LRP2: variants seen among roughly 807,000 people sequenced by gnomAD.
LRP2 encodes the protein low-density lipoprotein receptor-related protein 2.
A neutral mutation model predicts 531.0 loss-of-function variants in LRP2; 172 were observed. The observed-to-expected ratio is 0.32, with a 90% CI of 0.29 to 0.37. The LOEUF (loss-of-function observed/expected upper bound fraction) is 0.37. Among genes scored for constraint, LRP2 ranks in the 10% least tolerant of loss-of-function variants. LRP2 has a pLI of 1.00. For missense variants in LRP2, 5,167 were observed against 5,868.3 expected (o/e 0.88, Z 3.90); for synonymous variants, 1,992 against 2,027.6 (o/e 0.98, Z 0.47).
chr2:169,327,693 T>C (rs1685127489), intron 1 of LRP2, among the ~76,000 whole-genome samples: 1 of 105,240 alleles, frequency 9.5e-6, no homozygotes, highest in Non-Finnish European at 1.9e-5. Flanking sequence ...AGCCGACCCA[T>C]CCGGGAGGGA....
At chr2:169,191,775 G>T in intron 48 of LRP2, 57 bp downstream of exon 48, 1 of 1,503,130 alleles carries the variant, frequency 6.7e-7, no homozygotes, top group Non-Finnish European at 9.3e-7. Flanking sequence ...AGGTAAGTGA[G>T]CCCAGCCCCC....
At chr2:169,181,640 G>T (rs192109916) in intron 51 of LRP2, 22 bp from the exon 52 acceptor site, 1 of 1,613,224 alleles carries the variant, frequency 6.2e-7, no homozygotes, top group East Asian at 2.2e-5. Flanking sequence ...AACACAAAGG[G>T]TCAGTCCCTG....
rs1688292167 is a variant in LRP2 at position 169,204,046 on chromosome 2, C to T, written c.7941G>A (p.Gln2647=). ...CACAAGGATTGTTACACTGTTGTTT[C>T]TGGTTCTTCACAACAGTGTTGATTC... ...PRGINTVVKN[Q]KQQCNNPCEQ... Residue 2647 remains glutamine, a synonymous_variant, in exon 42 of 79, where the codon CAG becomes CAA. Transcript: ENST00000649046. 1 of 1,614,164 alleles carries T rather than the reference C, an allele frequency of 6.2e-7. No individual in the cohort carries two copies.
intron 1 of LRP2, among the ~76,000 whole-genome samples, chr2:169,338,759 A>G (rs1043282620): frequency 3.9e-5 from 6 of 152,236 alleles, no homozygotes; most frequent in African/African-American, 1.4e-4. Context: ...GGAAACTACT[A>G]TAATATTACA....
Position 169,176,552 on chromosome 2 carries a change from G to A in LRP2, c.10430C>T (p.Ser3477Phe), listed in dbSNP as rs949969110. 6 of 1,614,064 alleles carry A rather than the reference G, an allele frequency of 3.7e-6. No individual in the cohort carries two copies. In the African/African-American group the frequency reaches 6.7e-5, roughly 18 times the overall value. Residue 3477 changes from serine (S) to phenylalanine (F), a missense_variant, in exon 54 of 79, where the codon TCT (serine) becomes TTT (phenylalanine). This residue lies in a region of LRP2 where 1,129 missense variants were observed against 1,362.7 expected (regional missense o/e 0.83). Transcript: ENST00000649046. ...TCCTGGCTTGATGAGGCAGAGATGA[G>A]AACAGCCACCATTGTTGGTACCACA... ...NPCGTNNGGC[S>F]HLCLIKPGGK... is the part of the protein sequence containing the mutation.
intron 58 of LRP2, 113 bp from the exon 59 acceptor site, chr2:169,170,780 C>T (rs1686967765): frequency 3.8e-6 from 3 of 788,828 alleles, no homozygotes; most frequent in Non-Finnish European, 6.9e-6. Flanking sequence ...TGTCCCAAGC[C>T]CCAGAGGTGT....
intron 30 of LRP2, among the ~76,000 whole-genome samples, chr2:169,232,556 AGAGG>A (rs1439439011): frequency 5.4e-4 from 82 of 152,324 alleles, no homozygotes; most frequent in Non-Finnish European, 8.8e-5. Flanking sequence ...AGAGAGAGAG[AGAGG>A]TTTCAGAACA....
At chr2:169,135,561 T>G (rs1402361773) in intron 76 of LRP2, among the ~76,000 whole-genome samples, 1 of 152,286 alleles carries the variant, frequency 6.6e-6, no homozygotes, top group East Asian at 1.9e-4. Context: ...GGAACCTTCA[T>G]ACCCCTTACG....
chr2:169,274,920 A>C, intron 14 of LRP2, 116 bp downstream of exon 14: 1 of 977,558 alleles, frequency 1.0e-6, no homozygotes, highest in Non-Finnish European at 1.6e-6. Context: ...CCCTTCATAT[A>C]CTTGAGAATG....
At chr2:169,270,605 G>A (rs1196002632) in intron 16 of LRP2, among the ~76,000 whole-genome samples, 2 of 133,396 alleles carry the variant, frequency 1.5e-5, no homozygotes, top group Non-Finnish European at 3.2e-5. Context: ...AGGGCCTGTC[G>A]TGGGGTGGGG....
chr2:169,205,552 T>C lies in LRP2; in HGVS notation c.7642A>G (p.Ser2548Gly), dbSNP rs1266369911. 1 of 1,614,046 alleles carries C rather than the reference T, an allele frequency of 6.2e-7. No individual in the cohort carries two copies. Among genetic ancestry groups the C allele is most frequent in the East Asian group, 2.2e-5 (1 of 44,890 alleles). The change falls in exon 41 of 79, where the codon AGC becomes GGC. Residue 2548 changes from serine to glycine, a missense_variant. Physicochemically the swap from Ser to Gly is moderately conservative, Grantham distance 56. Coordinates refer to ENST00000649046, the MANE Select transcript of LRP2 (RefSeq NM_004525.3). The part of the protein sequence containing the change: ...GGNFRVPIVN[S>G]SLVMPSGLTL... ...AGCCCACTGGGCATGACCAGACTGC[T>C]GTTCACAATGGGTACGCGGAAGTTT... is the stretch of plus-strand genomic sequence containing the variant.
chr2:169,142,046 G>A (rs1329608591), intron 71 of LRP2, among the ~76,000 whole-genome samples: 1 of 152,214 alleles, frequency 6.6e-6, no homozygotes, highest in Non-Finnish European at 1.5e-5. Flanking sequence ...AAAATGGGCC[G>A]CTAGTGAATT....
At chr2:169,256,784 T>C (rs942111933) in intron 18 of LRP2, among the ~76,000 whole-genome samples, 6 of 152,118 alleles carry the variant, frequency 3.9e-5, no homozygotes, top group Non-Finnish European at 8.8e-5. Context: ...AATTACACAC[T>C]GCCTACAGTT....
chr2:169,313,289 G>C (rs1684668366), intron 3 of LRP2, among the ~76,000 whole-genome samples: 2 of 152,170 alleles, frequency 1.3e-5, no homozygotes, highest in African/African-American at 4.8e-5. Context: ...GAGGTGCTCT[G>C]ATTTTTAGAA....
chr2:169,313,890 A>G (rs1478548701), intron 3 of LRP2, among the ~76,000 whole-genome samples: 2 of 152,188 alleles, frequency 1.3e-5, no homozygotes, highest in African/African-American at 4.8e-5. Flanking sequence ...GTTTTTGTCC[A>G]TTAGTGGTCC....
intron 16 of LRP2, among the ~76,000 whole-genome samples, chr2:169,261,067 A>T (rs1036979145): frequency 3.3e-5 from 5 of 152,044 alleles, no homozygotes; most frequent in Admixed American, 2.0e-4. Flanking sequence ...GAGGTGAGTA[A>T]TCAGTGAGAA....
At chr2:169,311,581 C>A (rs943119132) in intron 3 of LRP2, among the ~76,000 whole-genome samples, 1 of 152,176 alleles carries the variant, frequency 6.6e-6, no homozygotes, top group Non-Finnish European at 1.5e-5. Flanking sequence ...GTTATAATTT[C>A]TGTCCTTTTA....
At chr2:169,168,306 G>T (rs1262886540) in intron 61 of LRP2, among the ~76,000 whole-genome samples, 1 of 151,784 alleles carries the variant, frequency 6.6e-6, no homozygotes, top group East Asian at 1.9e-4. Flanking sequence ...TTCCCTTAAA[G>T]ACATTGTTTT....
chr2:169,222,862 A>G (rs776406147), intron 33 of LRP2, among the ~76,000 whole-genome samples: 6 of 152,164 alleles, frequency 3.9e-5, no homozygotes, highest in Non-Finnish European at 8.8e-5. Flanking sequence ...TGTATTAGTC[A>G]TCTTTCAAGA....
Sources: allele counts gnomAD v4.1 joint callset (sites outside exome capture counted in the v4.1 genomes callset), GRCh38; gene constraint gnomAD v4.1.1; regional missense constraint gnomAD v4.1.1; transcripts MANE v1.5; gene names NCBI Gene and HGNC (gene_info 2026-07-23, HGNC 2026-07-21).